The following PADI6 variants were observed in gnomAD, a reference collection of about 807,000 sequenced individuals.
PADI6 encodes the protein peptidyl arginine deiminase 6, also known as inactive protein-arginine deiminase type-6.
In PADI6, 66 loss-of-function variants were observed where a neutral mutation model predicts 78.2. The observed-to-expected ratio is 0.84, with a 90% CI of 0.69 to 1.04. The LOEUF (loss-of-function observed/expected upper bound fraction) is 1.04, where lower values mean the gene tolerates loss of function less well. Ranked by LOEUF, PADI6 falls within the 50% of genes least tolerant of loss-of-function variation. PADI6 has a pLI of 0.00. For synonymous variants in PADI6, 397 were observed against 346.9 expected (o/e 1.14, Z -1.60); for missense variants, 854 against 866.1 (o/e 0.99, Z 0.18).
Position 17,401,383 on chromosome 1 carries a change from G to C in PADI6, c.2030G>C (p.Cys677Ser). ...ACAGAGGTCGGAGACATCTGTGCCTGTGCCAACATCCGCCGGGTGCCCTTT... is the reference window on the plus strand; with the variant it reads ...ACAGAGGTCGGAGACATCTGTGCCTCTGCCAACATCCGCCGGGTGCCCTTT... Reference protein sequence around the residue: ...YLTEVGDICACANIRRVPFAF... With the variant: ...YLTEVGDICASANIRRVPFAF... The change falls in exon 16 of 16, where the codon TGT (cysteine) becomes TCT (serine). Residue 677 changes from cysteine to serine, a missense_variant. Coordinates refer to ENST00000619609, the MANE Select transcript of PADI6 (RefSeq NM_207421.4). The C allele has an allele frequency of 6.2e-7, 1 of 1,614,058 alleles. No homozygotes were observed. Among genetic ancestry groups the C allele is most frequent in the Non-Finnish European group, 8.5e-7 (1 of 1,179,908 alleles).
In PADI6 at chr1:17,394,409, A is replaced by AGT; in HGVS notation, c.1293_1294dup (p.Tyr432CysfsTer22). ...CCACCTGTCAAGGTCCAAGGGAAAG[A>AGT]GTACCCGCTGGGCAGAGTCCTCATT... On this transcript the variant is annotated frameshift_variant, in exon 11 of 16. Coordinates refer to ENST00000619609, the MANE Select transcript of PADI6 (RefSeq NM_207421.4). LOFTEE classifies it high-confidence loss of function. 1 of 1,613,808 alleles carries AGT rather than the reference A, an allele frequency of 6.2e-7. No homozygotes were observed. Among genetic ancestry groups the AGT allele is most frequent in the Non-Finnish European group, 8.5e-7 (1 of 1,179,836 alleles).
At chr1:17,389,805 G>C (rs536782234) in intron 8 of PADI6, among the ~76,000 whole-genome samples, 21 of 152,350 alleles carry the variant, frequency 1.4e-4, no homozygotes, top group Non-Finnish European at 2.1e-4. Context: ...TCAAGCCAGG[G>C]TGGCAGGAGC....
At position 17,381,904 on chromosome 1, in the gene PADI6, C is replaced by T. The variant is rs377202883; in HGVS notation, c.554-63C>T. ...CTCCCGGCCCCTCTCTACTGCTCTT[C>T]CCTCCACCCCCAGAGTGCTGGCCTC... On this transcript the variant is annotated intron_variant, in intron 5 of 15. Transcript: ENST00000619609. 1.2e-5 allele frequency: 19 copies of T among 1,601,660 alleles called. No homozygotes were observed. In the East Asian group the frequency reaches 2.2e-4, roughly 19 times the overall value.
rs1192328526 is a variant in PADI6 at position 17,388,489 on chromosome 1, C to G, written c.788C>G (p.Ala263Gly). The part of the protein sequence containing the change: ...LKETFYVEAI[A>G]FPSAEFSGLI... ...GAGACTTTCTACGTTGAAGCTATAG[C>G]ATTCCCATCTGCCGAATTCTCAGGC... Residue 263 changes from alanine (A) to glycine (G), a missense_variant, in exon 7 of 16, where the codon GCA becomes GGA. Ala to Gly is a moderately conservative substitution (Grantham distance 60). Coordinates refer to ENST00000619609, the MANE Select transcript of PADI6 (RefSeq NM_207421.4). The G allele has an allele frequency of 6.2e-7, 1 of 1,613,660 alleles. No individual in the cohort carries two copies. Among genetic ancestry groups the G allele is most frequent in the South Asian group, 1.1e-5 (1 of 91,008 alleles).
At chr1:17,397,257 G>C in intron 14 of PADI6, 116 bp downstream of exon 14, 5 of 1,094,902 alleles carry the variant, frequency 4.6e-6, no homozygotes, top group Non-Finnish European at 6.7e-6. Context: ...GGGGGCAGCT[G>C]CCTGCCACCC....
intron 13 of PADI6, 117 bp downstream of exon 13, chr1:17,395,780 GT>G (rs1449259370): frequency 2.3e-4 from 309 of 1,341,478 alleles, no homozygotes; most frequent in South Asian, 1.9e-4. Flanking sequence ...CACAGAAGCT[GT>G]TGGAATTGCC....
intron 5 of PADI6, 137 bp from the exon 6 acceptor site, chr1:17,381,830 G>A (rs1250459807): frequency 1.5e-5 from 14 of 959,024 alleles, no homozygotes; most frequent in East Asian, 2.6e-5. Context: ...GTAATTCTTC[G>A]GGCCTGGGCC....
In PADI6 at chr1:17,384,171, G is replaced by C. The variant is rs533703690; in HGVS notation, c.679+2079G>C. Among the ~76,000 whole-genome samples, 30 of 152,126 alleles carry C rather than the reference G, an allele frequency of 2.0e-4. No homozygotes were observed. In the South Asian group the frequency reaches 5.2e-3, roughly 26 times the overall value. ...AAAAAAAACTTAAAAATCAGGGTAG[G>C]GCAACACAGCATGTTATGTTTTAAC... On this transcript the variant is annotated intron_variant, in intron 6 of 15. Transcript: ENST00000619609.
chr1:17,373,753 A>C (rs1378771118), intron 2 of PADI6, among the ~76,000 whole-genome samples: 1 of 152,044 alleles, frequency 6.6e-6, no homozygotes, highest in Non-Finnish European at 1.5e-5. Flanking sequence ...CCACCTCCCA[A>C]AGTGCTGGGA....
chr1:17,396,071 C>T (rs1388831570), intron 13 of PADI6, among the ~76,000 whole-genome samples: 1 of 152,116 alleles, frequency 6.6e-6, no homozygotes, highest in Non-Finnish European at 1.5e-5. Flanking sequence ...TGGCTGGTGC[C>T]ATTGCACTTC....
At chr1:17,397,033 C>T in intron 13 of PADI6, 38 bp from the exon 14 acceptor site, 1 of 1,602,706 alleles carries the variant, frequency 6.2e-7, no homozygotes, top group Non-Finnish European at 8.5e-7. Context: ...TGCTGCCATT[C>T]CCTGACCAGC....
chr1:17,399,896 T>A (rs2075284787), intron 15 of PADI6, among the ~76,000 whole-genome samples: 1 of 151,478 alleles, frequency 6.6e-6, no homozygotes, highest in South Asian at 2.1e-4. Context: ...ACTAGCTGGG[T>A]GTGGTGGTGC....
At chr1:17,387,321 T>A (rs1442872707) in intron 6 of PADI6, among the ~76,000 whole-genome samples, 1 of 152,030 alleles carries the variant, frequency 6.6e-6, no homozygotes, top group Non-Finnish European at 1.5e-5. Flanking sequence ...GGTGCACACC[T>A]ATAGTCCTAG....
rs539174461 is a variant in PADI6 at position 17,385,450 on chromosome 1, C to T, written c.680-2931C>T. Among the ~76,000 whole-genome samples the T allele has an allele frequency of 9.2e-5, 14 of 151,860 alleles. No individual in the cohort carries two copies. In the East Asian group the frequency reaches 9.7e-4, roughly 11 times the overall value. On this transcript the variant is annotated intron_variant, in intron 6 of 15. Coordinates refer to ENST00000619609, the MANE Select transcript of PADI6 (RefSeq NM_207421.4). Reference sequence around the variant, plus strand: ...AAGTGTGAGGATGGAGGGTGGGGATCGGTAGGAGGATCTGGGACTGAGGTT... The same window carrying T: ...AAGTGTGAGGATGGAGGGTGGGGATTGGTAGGAGGATCTGGGACTGAGGTT...
chr1:17,375,903 G>A (rs2075011162), intron 3 of PADI6, among the ~76,000 whole-genome samples: 1 of 152,128 alleles, frequency 6.6e-6, no homozygotes, highest in South Asian at 2.1e-4. Flanking sequence ...TCTTACCAAT[G>A]TAAGAAGCCG....
At chr1:17,398,657 C>CG in intron 14 of PADI6, 29 bp from the exon 15 acceptor site, 9 of 110,604 alleles carry the variant, frequency 8.1e-5, no homozygotes, top group Admixed American at 3.3e-4. Flanking sequence ...CTCCCCCGCC[C>CG]CCCCCCCCAC....
intron 6 of PADI6, among the ~76,000 whole-genome samples, chr1:17,384,155 T>C (rs547228133): frequency 1.3e-5 from 2 of 151,378 alleles, no homozygotes; most frequent in Non-Finnish European, 2.9e-5. Context: ...AAAAAAAAAC[T>C]TAAAAATCAG....
In PADI6 at chr1:17,400,897, C is replaced by T. The variant is rs150108027; in HGVS notation, c.1852-308C>T. Among the ~76,000 whole-genome samples the T allele has an allele frequency of 2.8e-3, 426 of 152,182 alleles. 2 individuals are homozygous for T. Among genetic ancestry groups the T allele is most frequent in the Middle Eastern group, 0.014 (4 of 294 alleles). The stretch of plus-strand genomic sequence containing the variant: ...GATGCGCAGCAGTCAACTGACAAAG[C>T]GGGGGTGGGGAGAGTGTTTCAGTGG... On this transcript the variant is annotated intron_variant, in intron 15 of 15. Transcript: ENST00000619609.
At chr1:17,373,015 G>GTGTT in intron 1 of PADI6, 41 bp from the exon 2 acceptor site, 1 of 1,530,082 alleles carries the variant, frequency 6.5e-7, no homozygotes, top group Non-Finnish European at 8.8e-7. Flanking sequence ...GGCTGAGAAG[G>GTGTT]TGTTTGTGCC....
Sources: allele counts gnomAD v4.1 joint callset (sites outside exome capture counted in the v4.1 genomes callset), GRCh38; gene constraint gnomAD v4.1.1; transcripts MANE v1.5; gene names NCBI Gene and HGNC (gene_info 2026-07-23, HGNC 2026-07-21).